RANBP2: variants seen among roughly 807,000 people sequenced by gnomAD.
RANBP2 encodes the protein RAN binding protein 2.
A neutral mutation model predicts 303.6 loss-of-function variants in RANBP2; 57 were observed. The observed-to-expected ratio is 0.19, with a 90% CI of 0.15 to 0.23. The LOEUF (loss-of-function observed/expected upper bound fraction) is 0.23. RANBP2 is among the 10% of genes least tolerant of loss of function. The pLI is 1.00. For missense variants in RANBP2, 3,138 were observed against 3,780.8 expected (o/e 0.83, Z 4.46); for synonymous variants, 1,167 against 1,301.5 (o/e 0.90, Z 2.23).
chr2:109,331,229 A>G, the RANBP2 span, among the ~76,000 whole-genome samples: 1 of 152,074 alleles, frequency 6.6e-6, no homozygotes, highest in East Asian at 1.9e-4. Context: ...ATTTCCTGAT[A>G]TTGTGTACAG....
At chr2:109,203,112 G>A in the RANBP2 span, among the ~76,000 whole-genome samples, 1 of 152,122 alleles carries the variant, frequency 6.6e-6, no homozygotes, top group African/African-American at 2.4e-5. Flanking sequence ...CCTGCACGGT[G>A]CCCTGGGCCT....
the RANBP2 span, chr2:109,432,680 ATGG>A: frequency 2.5e-6 from 4 of 1,607,932 alleles, no homozygotes; most frequent in Non-Finnish European, 2.5e-6. Flanking sequence ...AGGTGAGGGC[ATGG>A]TGGTGGCAGC....
the RANBP2 span, among the ~76,000 whole-genome samples, chr2:109,741,457 G>A: frequency 2.0e-5 from 3 of 149,308 alleles, no homozygotes; most frequent in Non-Finnish European, 3.0e-5. Context: ...GGTGCCCCAC[G>A]CCTGTAATCC....
intron 7 of RANBP2, among the ~76,000 whole-genome samples, chr2:108,745,501 T>C (rs1428232762): frequency 1.3e-5 from 2 of 150,678 alleles, no homozygotes. Flanking sequence ...TTCTACCTGT[T>C]GGTCTTGTTT....
At chr2:109,692,542 A>G in the RANBP2 span, among the ~76,000 whole-genome samples, 1 of 152,204 alleles carries the variant, frequency 6.6e-6, no homozygotes, top group Non-Finnish European at 1.5e-5. Flanking sequence ...TCTCCTTGTT[A>G]AGAAGGTCCT....
At chr2:109,432,439 C>T in the RANBP2 span, 16 of 1,586,166 alleles carry the variant, frequency 1.0e-5, no homozygotes, top group Admixed American at 1.8e-5. Context: ...CCCAGGAATG[C>T]CGGCCGGTCC....
the RANBP2 span, among the ~76,000 whole-genome samples, chr2:109,509,472 C>T: frequency 2.0e-5 from 3 of 152,166 alleles, no homozygotes; most frequent in East Asian, 1.9e-4. Flanking sequence ...TGCACACCGC[C>T]GTCTCCTCAC....
At chr2:108,787,252 A>G (rs1679013062), downstream of RANBP2, among the ~76,000 whole-genome samples, 1 of 152,208 alleles carries the variant, frequency 6.6e-6, no homozygotes, top group South Asian at 2.1e-4. Flanking sequence ...ATTTCGAAAT[A>G]ATTTCGGACT....
the RANBP2 span, among the ~76,000 whole-genome samples, chr2:109,238,117 T>C: frequency 2.0e-5 from 3 of 152,194 alleles, no homozygotes; most frequent in African/African-American, 7.2e-5. Context: ...GGAGCATTTC[T>C]TGAGCCTTGG....
At chr2:109,739,834 C>T in the RANBP2 span, among the ~76,000 whole-genome samples, 1 of 150,410 alleles carries the variant, frequency 6.6e-6, no homozygotes, top group African/African-American at 2.5e-5. Flanking sequence ...TTTCCTTATA[C>T]AGTACAATAC....
the RANBP2 span, among the ~76,000 whole-genome samples, chr2:109,376,715 C>T: frequency 1.3e-5 from 2 of 152,232 alleles, no homozygotes; most frequent in African/African-American, 4.8e-5. Context: ...ATTGGCTGCT[C>T]CCTGTGTTGC....
At chr2:109,336,971 G>C in the RANBP2 span, among the ~76,000 whole-genome samples, 2 of 152,214 alleles carry the variant, frequency 1.3e-5, no homozygotes, top group African/African-American at 4.8e-5. Context: ...TGCAGAATTA[G>C]TGTAAAGCAG....
chr2:109,625,538 T>C, the RANBP2 span, among the ~76,000 whole-genome samples: 2 of 149,386 alleles, frequency 1.3e-5, no homozygotes, highest in South Asian at 4.2e-4. Flanking sequence ...TGGTGGCACG[T>C]GCCTGTAGTC....
chr2:109,658,375 G>T, the RANBP2 span, among the ~76,000 whole-genome samples: 7 of 151,966 alleles, frequency 4.6e-5, no homozygotes, highest in African/African-American at 1.7e-4. Context: ...GAACTCGGGA[G>T]GCAGAGGTTG....
At chr2:108,823,441 C>A in the RANBP2 span, among the ~76,000 whole-genome samples, 7 of 152,172 alleles carry the variant, frequency 4.6e-5, no homozygotes, top group Non-Finnish European at 1.0e-4. Context: ...AACAATAGGA[C>A]CACATTCTGA....
At chr2:109,102,768 T>TAA in the RANBP2 span, among the ~76,000 whole-genome samples, 2 of 152,208 alleles carry the variant, frequency 1.3e-5, no homozygotes, top group Non-Finnish European at 2.9e-5. Context: ...TTCTACTCTC[T>TAA]GCTGTTTAAG....
chr2:109,695,273 A>T, the RANBP2 span, among the ~76,000 whole-genome samples: 1 of 152,058 alleles, frequency 6.6e-6, no homozygotes, highest in Non-Finnish European at 1.5e-5. Context: ...CATGAGATTC[A>T]TCTTGGTGTT....
chr2:109,198,423 G>A, the RANBP2 span, among the ~76,000 whole-genome samples: 1 of 152,198 alleles, frequency 6.6e-6, no homozygotes, highest in African/African-American at 2.4e-5. Context: ...GGCACAGTGG[G>A]CTACCTCTTG....
the RANBP2 span, among the ~76,000 whole-genome samples, chr2:109,528,240 C>G: frequency 6.6e-6 from 1 of 152,216 alleles, no homozygotes; most frequent in Non-Finnish European, 1.5e-5. Context: ...ATACCCTGTG[C>G]CCCGCTGTGC....
Sources: gnomAD v4.1 joint callset for allele counts (sites outside exome capture counted in the v4.1 genomes callset) on GRCh38, gnomAD v4.1.1 for gene constraint, MANE v1.5 for transcripts, NCBI Gene and HGNC (gene_info 2026-07-23, HGNC 2026-07-21) for gene names.